GABRR2: variants seen among roughly 807,000 people sequenced by gnomAD.
The protein encoded by GABRR2 is gamma-aminobutyric acid type A receptor subunit rho2, also known as gamma-aminobutyric acid receptor subunit rho-2.
A neutral mutation model predicts 47.0 loss-of-function variants in GABRR2; 36 were observed. The ratio of observed to expected loss-of-function variants is 0.77; its 90% CI spans 0.59 to 1.01. GABRR2 has a LOEUF of 1.01. Ranked by LOEUF, GABRR2 falls within the 50% of genes least tolerant of loss-of-function variation. The pLI is 0.00. For missense variants in GABRR2, 587 were observed against 594.6 expected, an observed-to-expected ratio of 0.99 and a Z score of 0.13; for synonymous variants, 204 against 227.5, an observed-to-expected ratio of 0.90 and a Z score of 0.93.
chr6:89,306,581 C>G (rs1159543758), intron 1 of GABRR2, among the ~76,000 whole-genome samples: 1 of 152,196 alleles, frequency 6.6e-6, no homozygotes, highest in African/African-American at 2.4e-5. Context: ...GACCATCCAC[C>G]TAGGTGGTGC....
chr6:89,302,300 G>A lies in GABRR2; in HGVS notation c.114-2435C>T, dbSNP rs930470227. 29 of 563,660 alleles carry A rather than the reference G, an allele frequency of 5.1e-5. 1 individual carries two copies. The highest frequency in any genetic ancestry group is 1.7e-4 in the Admixed American group (9 of 52,378). 34.9% of individuals were successfully genotyped at this position (563,660 alleles called of 1,614,324 possible). Reference sequence around the variant, plus strand: ...CTTCAGCGTAGTGCCCTCGCCCAAGGTGTCACTGTGGTGGAGCCCTACAAC... The same window carrying A: ...CTTCAGCGTAGTGCCCTCGCCCAAGATGTCACTGTGGTGGAGCCCTACAAC... On this transcript the variant is annotated intron_variant, in intron 1 of 8. Coordinates refer to ENST00000402938, the MANE Select transcript of GABRR2 (RefSeq NM_002043.5).
intron 7 of GABRR2, 47 bp from the exon 8 acceptor site, chr6:89,264,655 G>C (rs1773845146): frequency 1.3e-6 from 2 of 1,598,956 alleles, no homozygotes; most frequent in African/African-American, 2.7e-5. Context: ...GTCTAGAACT[G>C]CCCTCATATC....
At chr6:89,311,964 A>G (rs560432665) in intron 1 of GABRR2, among the ~76,000 whole-genome samples, 12 of 152,340 alleles carry the variant, frequency 7.9e-5, no homozygotes, top group Non-Finnish European at 1.8e-4. Context: ...GTGTGGCTGG[A>G]AAGCAAAGCT....
intron 2 of GABRR2, among the ~76,000 whole-genome samples, chr6:89,298,056 G>C (rs1336891960): frequency 6.6e-6 from 1 of 152,096 alleles, no homozygotes; most frequent in African/African-American, 2.4e-5. Flanking sequence ...AAAATTCCTT[G>C]GCAGGCTTGC....
At chr6:89,296,117 G>T (rs532808698) in intron 2 of GABRR2, among the ~76,000 whole-genome samples, 6 of 152,328 alleles carry the variant, frequency 3.9e-5, no homozygotes, top group African/African-American at 1.4e-4. Flanking sequence ...AGTCACCTTT[G>T]TGCTGTCTGT....
intron 2 of GABRR2, among the ~76,000 whole-genome samples, chr6:89,288,024 C>T (rs117536393): frequency 0.021 from 3,144 of 152,296 alleles, 44 homozygotes; most frequent in Non-Finnish European, 0.034. Flanking sequence ...GTAGTATTGC[C>T]TCAGAGTGGT....
intron 8 of GABRR2, among the ~76,000 whole-genome samples, chr6:89,263,204 A>G (rs1219443801): frequency 3.3e-5 from 5 of 152,200 alleles, no homozygotes; most frequent in Non-Finnish European, 7.3e-5. Flanking sequence ...GTCGTTTATG[A>G]TGATCCACTT....
At chr6:89,314,564 T>A (rs1582470545) in intron 1 of GABRR2, among the ~76,000 whole-genome samples, 1 of 152,178 alleles carries the variant, frequency 6.6e-6, no homozygotes, top group African/African-American at 2.4e-5. Flanking sequence ...AACAGTAAAA[T>A]GAAACCCAAT....
At chr6:89,294,444 C>G (rs1304436440) in intron 2 of GABRR2, among the ~76,000 whole-genome samples, 1 of 152,198 alleles carries the variant, frequency 6.6e-6, no homozygotes, top group Non-Finnish European at 1.5e-5. Context: ...CCACACCCAG[C>G]CTCTATCAAC....
At chr6:89,280,452 G>C (rs1193615665) in intron 2 of GABRR2, among the ~76,000 whole-genome samples, 2 of 151,880 alleles carry the variant, frequency 1.3e-5, no homozygotes, top group African/African-American at 4.8e-5. Flanking sequence ...CAACCTCTTA[G>C]CACTGGTGTC....
intron 1 of GABRR2, among the ~76,000 whole-genome samples, chr6:89,313,255 C>T (rs1233942522): frequency 6.6e-6 from 1 of 152,166 alleles, no homozygotes; most frequent in African/African-American, 2.4e-5. Flanking sequence ...ACAAGACAGT[C>T]CAAAAAACTG....
intron 1 of GABRR2, chr6:89,301,795 CT>C: frequency 1.2e-6 from 1 of 836,406 alleles, no homozygotes; most frequent in South Asian, 1.4e-5. Context: ...GAGGGAGATC[CT>C]GCACATTCAG....
chr6:89,279,072 G>C (rs923789753), intron 2 of GABRR2, among the ~76,000 whole-genome samples: 1 of 152,160 alleles, frequency 6.6e-6, no homozygotes, highest in Non-Finnish European at 1.5e-5. Context: ...TGATAAGCCC[G>C]AGAAACCGCC....
intron 2 of GABRR2, among the ~76,000 whole-genome samples, chr6:89,290,087 C>T (rs1468621565): frequency 1.3e-5 from 2 of 152,198 alleles, no homozygotes; most frequent in African/African-American, 4.8e-5. Flanking sequence ...TCCCATTAGG[C>T]CCATCAGCAT....
chr6:89,275,903 G>A (rs41530450), intron 2 of GABRR2, among the ~76,000 whole-genome samples: 16,099 of 152,040 alleles, frequency 0.11, 1,055 homozygotes, highest in Non-Finnish European at 0.15. Context: ...CACCGAACAC[G>A]GATTAAAGCT....
At chr6:89,262,627 A>G (rs1773775056) in intron 8 of GABRR2, among the ~76,000 whole-genome samples, 1 of 152,246 alleles carries the variant, frequency 6.6e-6, no homozygotes, top group Non-Finnish European at 1.5e-5. Context: ...GTTGAAAGAC[A>G]ATTTTTGAAA....
chr6:89,280,555 G>A (rs529513354), intron 2 of GABRR2, among the ~76,000 whole-genome samples: 2 of 152,184 alleles, frequency 1.3e-5, no homozygotes, highest in East Asian at 1.9e-4. Flanking sequence ...CTTACTGCCC[G>A]CTGCCCCTAG....
chr6:89,309,580 T>C (rs1057388972), intron 1 of GABRR2, among the ~76,000 whole-genome samples: 2 of 152,172 alleles, frequency 1.3e-5, no homozygotes, highest in Non-Finnish European at 2.9e-5. Context: ...TTTAAAAAAA[T>C]GTTTAAGACT....
chr6:89,259,566 C>T (rs918973455), intron 8 of GABRR2, among the ~76,000 whole-genome samples: 11 of 151,740 alleles, frequency 7.2e-5, no homozygotes, highest in African/African-American at 9.7e-5. Flanking sequence ...TGCAGTGGCT[C>T]GATCTCGGCT....
Sources: allele counts gnomAD v4.1 joint callset (sites outside exome capture counted in the v4.1 genomes callset), GRCh38; gene constraint gnomAD v4.1.1; transcripts MANE v1.5; gene names NCBI Gene and HGNC (gene_info 2026-07-23, HGNC 2026-07-21).